OR4D10: variants seen among roughly 807,000 people sequenced by gnomAD.
The protein encoded by OR4D10 is olfactory receptor 4D10.
For missense variants in OR4D10, 395 were observed against 378.0 expected (o/e 1.04, Z -0.37); for synonymous variants, 188 against 153.2 (o/e 1.23, Z -1.68).
intron 2 of OR4D10, among the ~76,000 whole-genome samples, chr11:59,474,783 G>T (rs77362946): frequency 1.3e-5 from 2 of 152,070 alleles, no homozygotes; most frequent in Non-Finnish European, 2.9e-5. Flanking sequence ...GGGACCGGGC[G>T]CAGAGGCTCA....
At position 59,478,182 on chromosome 11, in the gene OR4D10, C is replaced by A. The variant is rs745354828; in HGVS notation, c.753C>A (p.Phe251Leu). ...TSHITVVTLHFVPCIYVYARP... is the reference protein window; with the variant it reads ...TSHITVVTLHLVPCIYVYARP... ...ACATCACTGTGGTGACCCTGCATTT[C>A]GTGCCCTGCATCTATGTCTATGCCC... The change falls in exon 3 of 3, where the codon TTC becomes TTA. Residue 251 changes from phenylalanine to leucine, a missense_variant. Coordinates refer to ENST00000530162, the MANE Select transcript of OR4D10 (RefSeq NM_001004705.2). The A allele has an allele frequency of 1.2e-6, 2 of 1,613,958 alleles. No individual in the cohort carries two copies. The highest frequency in any genetic ancestry group is 1.7e-5 in the Admixed American group (1 of 59,984).
rs754634218 is a variant in OR4D10, at chr11:59,477,549, G to A, written c.120G>A (p.Leu40=). 2 of 1,614,056 alleles carry A rather than the reference G, an allele frequency of 1.2e-6. No individual in the cohort carries two copies. The highest frequency in any genetic ancestry group is 3.3e-5 in the Admixed American group (2 of 60,016). The change falls in exon 3 of 3, where the codon CTG becomes CTA. Residue 40 remains leucine (L), a synonymous_variant. Coordinates refer to ENST00000530162, the MANE Select transcript of OR4D10 (RefSeq NM_001004705.2). ...FLLLVYVTTL[L]GNLLIMVTVT... ...TCTTGGTGTATGTGACAACTTTGCT[G>A]GGAAACCTCCTCATCATGGTCACTG... is the stretch of plus-strand genomic sequence containing the variant.
Position 59,477,993 on chromosome 11 carries a change from C to G in OR4D10, c.564C>G (p.Ala188=). Residue 188 remains alanine, a synonymous_variant, in exon 3 of 3, where the codon GCC becomes GCG. Transcript: ENST00000530162. ...YCDVHRVLKL[A]HTDIFILELL... is the part of the protein sequence containing the mutation. The stretch of plus-strand genomic sequence containing the variant: ...ATGTCCACCGGGTCCTCAAACTGGC[C>G]CATACAGACATTTTCATACTTGAAC... 6.2e-7 allele frequency: 1 copy of G among 1,614,092 alleles called. No individual in the cohort carries two copies. Among genetic ancestry groups the G allele is most frequent in the East Asian group, 2.2e-5 (1 of 44,870 alleles).
chr11:59,478,196 A>G lies in OR4D10; in HGVS notation c.767A>G (p.Tyr256Cys), dbSNP rs374135249. ...ACCCTGCATTTCGTGCCCTGCATCTATGTCTATGCCCGGCCCTTCACTGCC... is the reference window on the plus strand; with the variant it reads ...ACCCTGCATTTCGTGCCCTGCATCTGTGTCTATGCCCGGCCCTTCACTGCC... ...VVTLHFVPCIYVYARPFTALP... is the reference protein window; with the variant it reads ...VVTLHFVPCICVYARPFTALP... Residue 256 changes from tyrosine (Y) to cysteine (C), a missense_variant, in exon 3 of 3, where the codon TAT becomes TGT. By Grantham distance (194) the Tyr-to-Cys change is radical (BLOSUM62 -2). Transcript: ENST00000530162. 1.5e-4 allele frequency: 234 copies of G among 1,613,756 alleles called. No individual in the cohort carries two copies. Among genetic ancestry groups the G allele is most frequent in the Non-Finnish European group, 1.9e-4 (227 of 1,179,998 alleles).
At position 59,478,292 on chromosome 11, in the gene OR4D10, C is replaced by T; in HGVS notation, c.863C>T (p.Thr288Ile). The change falls in exon 3 of 3, where the codon ACT (threonine) becomes ATT (isoleucine). Residue 288 changes from threonine (T) to isoleucine (I), a missense_variant. Physicochemically the swap from Thr to Ile is moderately conservative, Grantham distance 89. Transcript: ENST00000530162. Reference protein sequence around the residue: ...ISPLLNPLIYTLRNHEMKSAM... With the variant: ...ISPLLNPLIYILRNHEMKSAM... ...CCTCTGCTCAACCCCTTGATCTACA[C>T]TCTGAGGAACCATGAGATGAAGTCA... The T allele has an allele frequency of 1.9e-6, 3 of 1,614,040 alleles. No homozygotes were observed. Among genetic ancestry groups the T allele is most frequent in the Non-Finnish European group, 2.5e-6 (3 of 1,179,964 alleles).
At position 59,478,505 on chromosome 11, in the gene OR4D10, G is replaced by A. The variant is rs1590625915; in HGVS notation, c.*140G>A. The A allele has an allele frequency of 3.4e-6, 2 of 583,536 alleles. No homozygotes were observed. Among genetic ancestry groups the A allele is most frequent in the Non-Finnish European group, 5.6e-6 (2 of 356,644 alleles). The allele number at this position is 583,536 out of a possible 1,614,324, so 36.1% of individuals were successfully genotyped here. ...TTAATTTTTCTATTTATGTTAGTAA[G>A]TAACTGATAAGCTTCTGGTCAGGGA... On this transcript the variant is annotated 3_prime_UTR_variant, in exon 3 of 3. Coordinates refer to ENST00000530162, the MANE Select transcript of OR4D10 (RefSeq NM_001004705.2).
At position 59,478,483 on chromosome 11, in the gene OR4D10, A is replaced by G; in HGVS notation, c.*118A>G. Reference sequence around the variant, plus strand: ...AACCAACTACACTTAGTAATAATTAATTTTTCTATTTATGTTAGTAAGTAA... The same window carrying G: ...AACCAACTACACTTAGTAATAATTAGTTTTTCTATTTATGTTAGTAAGTAA... On this transcript the variant is annotated 3_prime_UTR_variant, in exon 3 of 3. Coordinates refer to ENST00000530162, the MANE Select transcript of OR4D10 (RefSeq NM_001004705.2). 1 of 672,744 alleles carries G rather than the reference A, an allele frequency of 1.5e-6. No individual in the cohort carries two copies. 41.7% of individuals were successfully genotyped at this position (672,744 alleles called of 1,614,324 possible).
Position 59,473,442 on chromosome 11 carries a change from T to C in OR4D10, c.-423T>C, listed in dbSNP as rs1858866986. The C allele has an allele frequency of 1.3e-5, 2 of 152,190 alleles. No homozygotes were observed. The highest frequency in any genetic ancestry group is 6.5e-5 in the Admixed American group (1 of 15,272). 9.4% of individuals were successfully genotyped at this position (152,190 alleles called of 1,614,324 possible). A position where few individuals can be genotyped will look rare whatever the true frequency, so the allele number is the denominator to read the frequency against. On this transcript the variant is annotated 5_prime_UTR_variant, in exon 1 of 3. The change abolishes an upstream ATG in the 5' untranslated region. Coordinates refer to ENST00000530162, the MANE Select transcript of OR4D10 (RefSeq NM_001004705.2). ...GTTTGAACATAAGTCAAGGACACAATGGAAAAACTTTAAAAGATATGATTC... is the reference window on the plus strand; with the variant it reads ...GTTTGAACATAAGTCAAGGACACAACGGAAAAACTTTAAAAGATATGATTC...
chr11:59,473,837 A>T (rs1858870003), intron 2 of OR4D10, 44 bp downstream of exon 2: 1 of 152,182 alleles, frequency 6.6e-6, no homozygotes, highest in African/African-American at 2.4e-5. Flanking sequence ...GTTAAGGGAG[A>T]TGCTGGAAAT....
Position 59,477,471 on chromosome 11 carries a change from C to A in OR4D10, c.42C>A (p.Phe14Leu). The A allele has an allele frequency of 6.2e-7, 1 of 1,601,860 alleles. No individual in the cohort carries two copies. Among genetic ancestry groups the A allele is most frequent in the Non-Finnish European group, 8.5e-7 (1 of 1,173,882 alleles). ...GCACCAGGGTAAAAGAATTTATTTT[C>A]CTTGGCCTGACCCAGAATCGGGAAG... is the stretch of plus-strand genomic sequence containing the variant. ...ENCTRVKEFI[F>L]LGLTQNREVS... Residue 14 changes from phenylalanine (F) to leucine (L), a missense_variant, in exon 3 of 3, where the codon TTC becomes TTA. Coordinates refer to ENST00000530162, the MANE Select transcript of OR4D10 (RefSeq NM_001004705.2).
intron 2 of OR4D10, among the ~76,000 whole-genome samples, chr11:59,474,798 T>A (rs1279771519): frequency 6.6e-6 from 1 of 152,014 alleles, no homozygotes; most frequent in Non-Finnish European, 1.5e-5. Flanking sequence ...GGCTCAGGCC[T>A]GTAATCTCAG....
chr11:59,474,984 C>G lies in OR4D10; in HGVS notation c.-169+1191C>G, dbSNP rs550796762. Among the ~76,000 whole-genome samples, 8 of 134,888 alleles carry G rather than the reference C, an allele frequency of 5.9e-5. No homozygotes were observed. The East Asian group carries it at 2.0e-3, about 33-fold the overall frequency. The allele number at this position is 134,888 out of a possible 152,430, so 88.5% of individuals were successfully genotyped here. A position where few individuals can be genotyped will look rare whatever the true frequency, so the allele number is the denominator to read the frequency against. ...GCTGAGGCAGGAGAATGGCGTGAAC[C>G]CGGGAGGCGGAGCTTGCAGTGAGCT... is the stretch of plus-strand genomic sequence containing the variant. On this transcript the variant is annotated intron_variant, in intron 2 of 2. Transcript: ENST00000530162.
chr11:59,478,120 G>A lies in OR4D10; in HGVS notation c.691G>A (p.Glu231Lys). The A allele has an allele frequency of 6.2e-7, 1 of 1,614,028 alleles. No individual in the cohort carries two copies. The highest frequency in any genetic ancestry group is 8.5e-7 in the Non-Finnish European group (1 of 1,180,024). Residue 231 changes from glutamate (E) to lysine (K), a missense_variant, in exon 3 of 3, where the codon GAG (glutamate) becomes AAG (lysine). Transcript: ENST00000530162. Reference protein sequence around the residue: ...ILSLPKSQAGEGRRKAISTCT... With the variant: ...ILSLPKSQAGKGRRKAISTCT... ...ATCATTACCCAAGTCTCAGGCAGGAGAGGGCAGGAGGAAAGCCATCTCCAC... is the reference window on the plus strand; with the variant it reads ...ATCATTACCCAAGTCTCAGGCAGGAAAGGGCAGGAGGAAAGCCATCTCCAC...
rs919809315 is a variant in OR4D10 at position 59,478,851 on chromosome 11, T to C, written c.*486T>C. 1.3e-5 allele frequency: 2 copies of C among 152,558 alleles called. No individual in the cohort carries two copies. Among genetic ancestry groups the C allele is most frequent in the African/African-American group, 2.4e-5 (1 of 41,454 alleles). 9.5% of individuals were successfully genotyped at this position (152,558 alleles called of 1,614,324 possible). A position where few individuals can be genotyped will look rare whatever the true frequency, so the allele number is the denominator to read the frequency against. On this transcript the variant is annotated 3_prime_UTR_variant, in exon 3 of 3. Coordinates refer to ENST00000530162, the MANE Select transcript of OR4D10 (RefSeq NM_001004705.2). ...ATTGTTAGCAAATGTGTATATGATTTTGCAGTCCAATTTTAAAGAAAAATT... is the reference window on the plus strand; with the variant it reads ...ATTGTTAGCAAATGTGTATATGATTCTGCAGTCCAATTTTAAAGAAAAATT...
intron 2 of OR4D10, among the ~76,000 whole-genome samples, chr11:59,476,128 T>A (rs938714899): frequency 9.9e-5 from 15 of 152,198 alleles, no homozygotes; most frequent in African/African-American, 3.4e-4. Context: ...GAAATTTTTT[T>A]AAGAAATCTT....
intron 2 of OR4D10, among the ~76,000 whole-genome samples, chr11:59,476,450 G>T (rs1858909629): frequency 6.6e-6 from 1 of 152,172 alleles, no homozygotes; most frequent in Non-Finnish European, 1.5e-5. Context: ...GTGCAATCAT[G>T]CCTCACTGCA....
rs1858922697 is a variant in OR4D10 at position 59,477,651 on chromosome 11, T to C, written c.222T>C (p.Ser74=). The C allele has an allele frequency of 1.9e-6, 3 of 1,614,216 alleles. No individual in the cohort carries two copies. Among genetic ancestry groups the C allele is most frequent in the Non-Finnish European group, 2.5e-6 (3 of 1,180,020 alleles). ...TATCTATTGCCGATATCTGCTTCTC[T>C]TCCATCACAGTGCCCAAGGTTCTGG... ...HNLSIADICF[S]SITVPKVLVD... Residue 74 remains serine (S), a synonymous_variant, in exon 3 of 3, where the codon TCT becomes TCC. Coordinates refer to ENST00000530162, the MANE Select transcript of OR4D10 (RefSeq NM_001004705.2).
Position 59,478,083 on chromosome 11 carries a change from C to T in OR4D10, c.654C>T (p.Tyr218=), listed in dbSNP as rs376736724. ...GGTTTTTCCTGCTCCTGGTGTCCTACATAGTCATATTATCATTACCCAAGT... is the reference window on the plus strand; with the variant it reads ...GGTTTTTCCTGCTCCTGGTGTCCTATATAGTCATATTATCATTACCCAAGT... ...TLWFFLLLVS[Y]IVILSLPKSQ... Residue 218 remains tyrosine (Y), a synonymous_variant, in exon 3 of 3, where the codon TAC becomes TAT. Transcript: ENST00000530162. 5.0e-6 allele frequency: 8 copies of T among 1,614,048 alleles called. No individual in the cohort carries two copies. The highest frequency in any genetic ancestry group is 3.3e-4 in the Middle Eastern group (2 of 6,084).
chr11:59,477,522 A>G lies in OR4D10; in HGVS notation c.93A>G (p.Leu31=), dbSNP rs1399013078. 1 of 1,613,506 alleles carries G rather than the reference A, an allele frequency of 6.2e-7. No individual in the cohort carries two copies. The change falls in exon 3 of 3, where the codon CTA becomes CTG. Residue 31 remains leucine (L), a synonymous_variant. Coordinates refer to ENST00000530162, the MANE Select transcript of OR4D10 (RefSeq NM_001004705.2). ...TGAGCTTAGTCTTATTTCTTTTCCTACTCTTGGTGTATGTGACAACTTTGC... is the reference window on the plus strand; with the variant it reads ...TGAGCTTAGTCTTATTTCTTTTCCTGCTCTTGGTGTATGTGACAACTTTGC... ...REVSLVLFLF[L]LLVYVTTLLG... is the part of the protein sequence containing the mutation.
Sources: allele counts gnomAD v4.1 joint callset (sites outside exome capture counted in the v4.1 genomes callset), GRCh38; gene constraint gnomAD v4.1.1; transcripts MANE v1.5; gene names NCBI Gene and HGNC (gene_info 2026-07-23, HGNC 2026-07-21).